PKP2: variants seen among roughly 807,000 people sequenced by gnomAD.
PKP2 encodes the protein plakophilin 2.
A neutral mutation model predicts 83.4 loss-of-function variants in PKP2; 73 were observed. The ratio of observed to expected loss-of-function variants is 0.88; its 90% CI spans 0.72 to 1.06. The LOEUF (loss-of-function observed/expected upper bound fraction) is 1.06, where lower values mean the gene tolerates loss of function less well. Ranked by LOEUF, PKP2 falls within the 50% of genes least tolerant of loss-of-function variation. The probability of loss-of-function intolerance (pLI) is 0.00; values close to 1 mark genes in which losing one functional copy is unlikely to be tolerated. For missense variants in PKP2, 966 were observed against 1,065.4 expected (o/e 0.91, Z 1.30); for synonymous variants, 409 against 430.4 (o/e 0.95, Z 0.62).
chr12:32,844,851 T>C (rs112298504), intron 5 of PKP2, among the ~76,000 whole-genome samples: 140 of 152,290 alleles, frequency 9.2e-4, no homozygotes, highest in African/African-American at 3.2e-3. Context: ...CAGGAACTTA[T>C]ATTTTAAAAA....
At position 32,892,818 on chromosome 12, in the gene PKP2, CGGGGGG is replaced by C. The variant is rs574559982; in HGVS notation, c.223+3685_223+3690del. Among the ~76,000 whole-genome samples, 11 of 20,108 alleles carry C rather than the reference CGGGGGG, an allele frequency of 5.5e-4. 3 individuals carry two copies. Among genetic ancestry groups the C allele is most frequent in the Non-Finnish European group, 1.1e-3 (11 of 9,658 alleles). The allele number at this position is 20,108 out of a possible 152,430, so 13.2% of individuals were successfully genotyped here. On this transcript the variant is annotated intron_variant, in intron 1 of 12. Coordinates refer to ENST00000340811, the MANE Select transcript of PKP2 (RefSeq NM_001005242.3). Reference sequence around the variant, plus strand: ...TCCACTCAGATACCTGGGGTGGGGGCGGGGGGGGGGGGAGAACTGTGTAGCAAGTAG... The same window carrying C: ...TCCACTCAGATACCTGGGGTGGGGGCGGGGGGAGAACTGTGTAGCAAGTAG...
intron 1 of PKP2, among the ~76,000 whole-genome samples, chr12:32,886,374 A>C (rs1957029980): frequency 6.6e-6 from 1 of 152,242 alleles, no homozygotes; most frequent in Non-Finnish European, 1.5e-5. Flanking sequence ...GAATTTGTAT[A>C]GCAATTCATA....
rs1203845854 is a variant in PKP2 at position 32,822,635 on chromosome 12, A to T, written c.1675-4T>A. ...TGCACACACAATTCTCCGTGGCCTG[A>T]GAAAACAGGACAAGAATATTGATCG... On this transcript the variant is annotated splice_region_variant and splice_polypyrimidine_tract_variant and intron_variant, in intron 7 of 12. Transcript: ENST00000340811. The T allele has an allele frequency of 1.2e-6, 2 of 1,613,890 alleles. No homozygotes were observed. Among genetic ancestry groups the T allele is most frequent in the Non-Finnish European group, 1.7e-6 (2 of 1,179,824 alleles).
At chr12:32,890,602 C>A (rs1196344762) in intron 1 of PKP2, among the ~76,000 whole-genome samples, 1 of 152,064 alleles carries the variant, frequency 6.6e-6, no homozygotes, top group Admixed American at 6.6e-5. Context: ...TGTCTTTAAA[C>A]ACTTTAAGAA....
intron 10 of PKP2, among the ~76,000 whole-genome samples, chr12:32,801,746 C>G (rs1956180936): frequency 6.6e-6 from 1 of 151,950 alleles, no homozygotes; most frequent in Non-Finnish European, 1.5e-5. Context: ...TAATTTTCTA[C>G]TAGATACAAC....
chr12:32,805,733 G>T (rs184750543), intron 9 of PKP2, among the ~76,000 whole-genome samples: 196 of 152,284 alleles, frequency 1.3e-3, no homozygotes, highest in African/African-American at 4.5e-3. Context: ...TTGAAGTCAG[G>T]TAGCATGATG....
chr12:32,888,901 C>T (rs1957054583), intron 1 of PKP2, among the ~76,000 whole-genome samples: 1 of 151,994 alleles, frequency 6.6e-6, no homozygotes, highest in Non-Finnish European at 1.5e-5. Context: ...GGCGATTCTC[C>T]TGTCTCGGCC....
rs12299276 is a variant in PKP2 at position 32,802,708 on chromosome 12, G to A, written c.2014-152C>T. On this transcript the variant is annotated intron_variant, in intron 9 of 12. Transcript: ENST00000340811. Reference sequence around the variant, plus strand: ...AAGTCTCTCTCTGTCATTCAGGCTGGAGTGCAGTGGTGTGATCTCAGCTCA... The same window carrying A: ...AAGTCTCTCTCTGTCATTCAGGCTGAAGTGCAGTGGTGTGATCTCAGCTCA... 0.18 allele frequency: 127,052 copies of A among 702,860 alleles called. 16,026 individuals are homozygous for A. The highest frequency in any genetic ancestry group is 0.57 in the East Asian group (20,426 of 35,962). The allele number at this position is 702,860 out of a possible 1,614,324, so 43.5% of individuals were successfully genotyped here. A position where few individuals can be genotyped will look rare whatever the true frequency, so the allele number is the denominator to read the frequency against.
At chr12:32,798,231 C>T (rs1356728321) in intron 10 of PKP2, among the ~76,000 whole-genome samples, 8 of 151,012 alleles carry the variant, frequency 5.3e-5, no homozygotes, top group African/African-American at 1.2e-4. Context: ...ATTACAGGTA[C>T]GCACCACCAT....
rs371003054 is a variant in PKP2, at chr12:32,792,402, C to T, written c.*22G>A. The T allele has an allele frequency of 1.2e-4, 184 of 1,592,878 alleles. 1 individual carries two copies. The highest frequency in any genetic ancestry group is 5.5e-4 in the African/African-American group (41 of 74,582). On this transcript the variant is annotated 3_prime_UTR_variant, in exon 13 of 13. Coordinates refer to ENST00000340811, the MANE Select transcript of PKP2 (RefSeq NM_001005242.3). The stretch of plus-strand genomic sequence containing the variant: ...GTTTTCCTTTGGGGATTTTTGCAGC[C>T]GAGAATACTTTGTCATTTTCCTCAG...
At chr12:32,895,843 T>G (rs1161634269) in intron 1 of PKP2, among the ~76,000 whole-genome samples, 1 of 152,224 alleles carries the variant, frequency 6.6e-6, no homozygotes, top group East Asian at 1.9e-4. Context: ...GAAGCGCAGC[T>G]AGGCGGGCAC....
chr12:32,792,661 G>A lies in PKP2; in HGVS notation c.2428C>T (p.His810Tyr), dbSNP rs397517023. Residue 810 changes from histidine (H) to tyrosine (Y), a missense_variant, in exon 12 of 13, where the codon CAT becomes TAT. By Grantham distance (83) the His-to-Tyr change is moderately conservative (BLOSUM62 2). Coordinates refer to ENST00000340811, the MANE Select transcript of PKP2 (RefSeq NM_001005242.3). The part of the protein sequence containing the change: ...LYSLWAHTEL[H>Y]HAYKKAQFKK... ...GTTCTTACCTTCTTGTAGGCATGAT[G>A]CAGTTCCGTGTGTGCCCACAGAGAA... 60 of 1,613,578 alleles carry A rather than the reference G, an allele frequency of 3.7e-5. No homozygotes were observed. Among genetic ancestry groups the A allele is most frequent in the Non-Finnish European group, 4.6e-5 (54 of 1,179,586 alleles).
intron 6 of PKP2, among the ~76,000 whole-genome samples, chr12:32,837,352 C>T (rs899336365): frequency 6.6e-6 from 1 of 152,198 alleles, no homozygotes; most frequent in Admixed American, 6.5e-5. Flanking sequence ...ATCACTCAAC[C>T]TCTCTGAGGC....
chr12:32,826,223 G>A (rs2137791108), intron 6 of PKP2, among the ~76,000 whole-genome samples: 1 of 149,184 alleles, frequency 6.7e-6, no homozygotes, highest in East Asian at 2.0e-4. Context: ...GGAGAATGGT[G>A]TGAACTCGGA....
At chr12:32,829,349 G>A (rs1173800070) in intron 6 of PKP2, among the ~76,000 whole-genome samples, 3 of 149,830 alleles carry the variant, frequency 2.0e-5, no homozygotes, top group Non-Finnish European at 4.4e-5. Flanking sequence ...TAACCTCCTC[G>A]GCTCAAGGGA....
chr12:32,818,869 T>C (rs528449808), intron 9 of PKP2, among the ~76,000 whole-genome samples: 2 of 152,278 alleles, frequency 1.3e-5, no homozygotes, highest in African/African-American at 4.8e-5. Context: ...TGATTCCTTG[T>C]TTGAAATTAT....
intron 1 of PKP2, 150 bp from the exon 2 acceptor site, chr12:32,879,182 A>G (rs1231344970): frequency 1.5e-6 from 1 of 669,072 alleles, no homozygotes; most frequent in Non-Finnish European, 2.7e-6. Flanking sequence ...TTTAAATGCT[A>G]GTTTCACACC....
chr12:32,887,649 G>T, intron 1 of PKP2, among the ~76,000 whole-genome samples: 1 of 152,008 alleles, frequency 6.6e-6, no homozygotes, highest in East Asian at 1.9e-4. Flanking sequence ...ATGGGGTTTT[G>T]CCATGTTGGC....
chr12:32,792,396 T>G lies in PKP2; in HGVS notation c.*28A>C, dbSNP rs577371727. The G allele has an allele frequency of 1.3e-6, 2 of 1,569,688 alleles. No homozygotes were observed. The highest frequency in any genetic ancestry group is 1.1e-5 in the South Asian group (1 of 90,166). On this transcript the variant is annotated 3_prime_UTR_variant, in exon 13 of 13. Transcript: ENST00000340811. ...ATAGGTGTTTTCCTTTGGGGATTTT[T>G]GCAGCCGAGAATACTTTGTCATTTT... is the stretch of plus-strand genomic sequence containing the variant.
Sources: allele counts gnomAD v4.1 joint callset (sites outside exome capture counted in the v4.1 genomes callset), GRCh38; gene constraint gnomAD v4.1.1; transcripts MANE v1.5; gene names NCBI Gene and HGNC (gene_info 2026-07-23, HGNC 2026-07-21).